The following ATP1A4 variants were observed in gnomAD, a reference collection of about 807,000 sequenced individuals.
The protein encoded by ATP1A4 is ATPase Na+/K+ transporting subunit alpha 4, also known as sodium/potassium-transporting ATPase subunit alpha-4.
Under a neutral mutation model 114.3 loss-of-function variants are expected in ATP1A4, and 90 were observed. The observed-to-expected ratio is 0.79, with a 90% CI of 0.66 to 0.94. The LOEUF is 0.94. Ranked by LOEUF, ATP1A4 falls within the 40% of genes least tolerant of loss-of-function variation. ATP1A4 has a pLI of 0.00. For missense variants in ATP1A4, 1,222 were observed against 1,313.6 expected, an observed-to-expected ratio of 0.93 and a Z score of 1.08; for synonymous variants, 511 against 494.1, an observed-to-expected ratio of 1.03 and a Z score of -0.45.
At position 160,182,033 on chromosome 1, in the gene ATP1A4, T is replaced by C. The variant is rs1469188137; in HGVS notation, c.2969+2T>C. 3 of 1,611,290 alleles carry C rather than the reference T, an allele frequency of 1.9e-6. No homozygotes were observed. In the South Asian group the frequency reaches 3.3e-5, roughly 18 times the overall value. The stretch of plus-strand genomic sequence containing the variant: ...GGCCCTGCGAATGTACCCACTCAAG[T>C]GAGTAAGGGAAGGGATGCAAGCAGG... On this transcript the variant is annotated splice_donor_variant, in intron 20 of 21. Coordinates refer to ENST00000368081, the MANE Select transcript of ATP1A4 (RefSeq NM_144699.4). LOFTEE classifies it high-confidence loss of function.
chr1:160,177,297 TG>T, intron 17 of ATP1A4: 1 of 504,832 alleles, frequency 2.0e-6, no homozygotes, highest in East Asian at 3.1e-5. Context: ...AAGCTGACTC[TG>T]GGTCAGAGTT....
chr1:160,186,463 T>C (rs1415390577), intron 21 of ATP1A4, 96 bp downstream of exon 21: 2 of 1,140,724 alleles, frequency 1.8e-6, no homozygotes, highest in Non-Finnish European at 1.3e-6. Context: ...ACCACTGACT[T>C]TCTCCCCTCC....
Position 160,171,460 on chromosome 1 carries a change from G to A in ATP1A4, c.1681+20G>A. 6.2e-7 allele frequency: 1 copy of A among 1,610,294 alleles called. No individual in the cohort carries two copies. The highest frequency in any genetic ancestry group is 8.5e-7 in the Non-Finnish European group (1 of 1,177,328). On this transcript the variant is annotated intron_variant, in intron 11 of 21. Transcript: ENST00000368081. ...TGCTAGGTGAGGAGCTTTGGGAGAAGTTTTTAAAAGAATGGCATCAAAATG... is the reference window on the plus strand; with the variant it reads ...TGCTAGGTGAGGAGCTTTGGGAGAAATTTTTAAAAGAATGGCATCAAAATG...
At chr1:160,158,783 T>C (rs542786157) in intron 4 of ATP1A4, among the ~76,000 whole-genome samples, 26 of 152,220 alleles carry the variant, frequency 1.7e-4, no homozygotes, top group African/African-American at 6.3e-4. Flanking sequence ...AGACTCCACC[T>C]CTTAATGGGA....
In ATP1A4 at chr1:160,166,816, G is replaced by C. The variant is rs999479105; in HGVS notation, c.1246+90G>C. 1.9e-6 allele frequency: 3 copies of C among 1,563,668 alleles called. No individual in the cohort carries two copies. The Admixed American group carries it at 5.3e-5, about 28-fold the overall frequency. On this transcript the variant is annotated intron_variant, in intron 8 of 21. Transcript: ENST00000368081. ...GAGAATGGTGAGTCCAGACAGACAG[G>C]AGGGAGCCTGAAAGTGGAGTGGAGA...
chr1:160,156,012 C>T (rs41288131), intron 3 of ATP1A4, 33 bp from the exon 4 acceptor site: 112,951 of 1,307,634 alleles, frequency 0.086, 5,536 homozygotes, highest in South Asian at 0.1. Flanking sequence ...CGACAAGGTC[C>T]CACTGATAAA....
intron 16 of ATP1A4, 107 bp from the exon 17 acceptor site, chr1:160,176,372 G>A (rs1301846183): frequency 8.8e-6 from 14 of 1,589,862 alleles, no homozygotes; most frequent in Non-Finnish European, 1.2e-5. Context: ...CGCACCTCCT[G>A]CAAGATGGAT....
Position 160,164,382 on chromosome 1 carries a change from C to A in ATP1A4, c.1005C>A (p.Ile335=). 1 of 1,614,130 alleles carries A rather than the reference C, an allele frequency of 6.2e-7. No homozygotes were observed. The highest frequency in any genetic ancestry group is 8.5e-7 in the Non-Finnish European group (1 of 1,180,008). The change falls in exon 7 of 22, where the codon ATC becomes ATA. Residue 335 remains isoleucine, a synonymous_variant. Coordinates refer to ENST00000368081, the MANE Select transcript of ATP1A4 (RefSeq NM_144699.4). The part of the protein sequence containing the change: ...WLEAIIFLIG[I]IVANVPEGLL... The stretch of plus-strand genomic sequence containing the variant: ...AGGCTATCATTTTTCTCATTGGCAT[C>A]ATTGTGGCCAATGTGCCTGAGGGGC...
chr1:160,179,952 G>A (rs1422597699), intron 18 of ATP1A4, among the ~76,000 whole-genome samples: 1 of 152,098 alleles, frequency 6.6e-6, no homozygotes, highest in Non-Finnish European at 1.5e-5. Context: ...AGAAATAATA[G>A]GTATTGGAAA....
chr1:160,156,871 G>T (rs1289403643), intron 4 of ATP1A4, among the ~76,000 whole-genome samples: 1 of 152,160 alleles, frequency 6.6e-6, no homozygotes, highest in Non-Finnish European at 1.5e-5. Context: ...CCAACCGTTT[G>T]GGGGACCGAG....
rs1653068213 is a variant in ATP1A4, at chr1:160,167,096, A to G, written c.1356+19A>G. On this transcript the variant is annotated intron_variant, in intron 9 of 21. Transcript: ENST00000368081. The stretch of plus-strand genomic sequence containing the variant: ...TGCTAAGGTGTCAGGCCCAAGGGGA[A>G]GAGGGTACCTCAGTGTCCAGGGTGT... 6.2e-7 allele frequency: 1 copy of G among 1,611,234 alleles called. No homozygotes were observed. Among genetic ancestry groups the G allele is most frequent in the Non-Finnish European group, 8.5e-7 (1 of 1,177,558 alleles).
At chr1:160,152,455 G>A (rs1652491998) in intron 1 of ATP1A4, among the ~76,000 whole-genome samples, 1 of 152,150 alleles carries the variant, frequency 6.6e-6, no homozygotes, top group East Asian at 1.9e-4. Flanking sequence ...TTACAGGCTG[G>A]GTACTTATAG....
chr1:160,153,338 C>A, intron 2 of ATP1A4, 114 bp downstream of exon 2: 2 of 886,422 alleles, frequency 2.3e-6, no homozygotes, highest in South Asian at 1.5e-5. Context: ...AACGTTCCCA[C>A]CCCTCACCCT....
At chr1:160,173,992 G>A (rs1267721529) in intron 13 of ATP1A4, 119 bp from the exon 14 acceptor site, 1 of 1,290,350 alleles carries the variant, frequency 7.7e-7, no homozygotes, top group Admixed American at 2.4e-5. Flanking sequence ...TAGGGCTAGG[G>A]ACAAGTGAGG....
chr1:160,186,100 A>AAAAAAAAAAAAAAAAAAAAAAAG, intron 20 of ATP1A4, among the ~76,000 whole-genome samples, 176 bp from the exon 21 acceptor site: 1 of 148,960 alleles, frequency 6.7e-6, no homozygotes, highest in Non-Finnish European at 1.5e-5. Flanking sequence ...AAAAAAAAAA[A>AAAAAAAAAAAAAAAAAAAAAAAG]AAAAAAAAGG....
At chr1:160,172,141 T>C (rs1038009145) in intron 12 of ATP1A4, among the ~76,000 whole-genome samples, 1 of 152,140 alleles carries the variant, frequency 6.6e-6, no homozygotes, top group African/African-American at 2.4e-5. Flanking sequence ...CCCTCAGGGA[T>C]TGTTTTGAAA....
chr1:160,181,571 A>AG, intron 18 of ATP1A4, 113 bp from the exon 19 acceptor site: 1 of 1,190,082 alleles, frequency 8.4e-7, no homozygotes, highest in Non-Finnish European at 1.2e-6. Context: ...AAAAAAAAAA[A>AG]AGAATGAGGA....
chr1:160,166,789 G>A, intron 8 of ATP1A4, 63 bp downstream of exon 8: 1 of 1,603,472 alleles, frequency 6.2e-7, no homozygotes, highest in Non-Finnish European at 8.5e-7. Context: ...AGTGAGCTGA[G>A]AGAGAATGGT....
chr1:160,185,607 G>A (rs1653851621), intron 20 of ATP1A4, among the ~76,000 whole-genome samples: 1 of 151,700 alleles, frequency 6.6e-6, no homozygotes. Flanking sequence ...GCAACATGGC[G>A]AAACCCCATC....
Sources: allele counts gnomAD v4.1 joint callset (sites outside exome capture counted in the v4.1 genomes callset), GRCh38; gene constraint gnomAD v4.1.1; transcripts MANE v1.5; gene names NCBI Gene and HGNC (gene_info 2026-07-23, HGNC 2026-07-21).